Variants in COPB2 observed in about 807,000 individuals in gnomAD.
COPB2 encodes the protein coat protein complex I subunit beta 2.
In COPB2, 16 loss-of-function variants were observed where a neutral mutation model predicts 120.8. That is an observed-to-expected ratio of 0.13 (90% CI 0.09 to 0.20). The LOEUF is 0.20. COPB2 is among the 10% of genes least tolerant of loss of function. COPB2 has a pLI of 1.00. For missense variants in COPB2, 794 were observed against 1,076.5 expected (o/e 0.74, Z 3.67); for synonymous variants, 332 against 366.3 (o/e 0.91, Z 1.07).
intron 14 of COPB2, 55 bp from the exon 15 acceptor site, chr3:139,366,830 C>T (rs1560014745): frequency 6.4e-7 from 1 of 1,561,760 alleles, no homozygotes; most frequent in East Asian, 2.3e-5. Context: ...TACACAAACA[C>T]ACACCCCGCC....
In COPB2 at chr3:139,373,490, C is replaced by T. The variant is rs941582416; in HGVS notation, c.895-78G>A. ...AAAACAAAACAGATTATTTTTTTCA[C>T]CTAACAGAGAGCTCCATTTCCTTTC... On this transcript the variant is annotated intron_variant, in intron 8 of 21. Transcript: ENST00000333188. 21 of 1,541,810 alleles carry T rather than the reference C, an allele frequency of 1.4e-5. No homozygotes were observed. The East Asian group carries it at 4.8e-4, about 35-fold the overall frequency.
At position 139,358,841 on chromosome 3, in the gene COPB2, G is replaced by A. The variant is rs767334484; in HGVS notation, c.2485-29C>T. On this transcript the variant is annotated intron_variant, in intron 19 of 21. Transcript: ENST00000333188. ...TCAGAGAATAAAGCAATGATGAAAT[G>A]AGATATTCTGAAATCATAATTTACC... is the stretch of plus-strand genomic sequence containing the variant. The A allele has an allele frequency of 2.6e-6, 4 of 1,565,504 alleles. No individual in the cohort carries two copies. The East Asian group carries it at 8.9e-5, about 35-fold the overall frequency.
chr3:139,387,103 C>T (rs1941939186), intron 1 of COPB2, among the ~76,000 whole-genome samples: 1 of 151,596 alleles, frequency 6.6e-6, no homozygotes, highest in Admixed American at 6.6e-5. Context: ...CCCAGCTACT[C>T]GGCAGGCTGA....
intron 20 of COPB2, 86 bp downstream of exon 20, chr3:139,358,658 G>C: frequency 1.1e-6 from 1 of 939,092 alleles, no homozygotes; most frequent in South Asian, 1.3e-5. Flanking sequence ...TCCAGCCAGG[G>C]CAATGGAGCG....
chr3:139,388,849 G>A (rs2107813820), intron 1 of COPB2, among the ~76,000 whole-genome samples: 1 of 149,474 alleles, frequency 6.7e-6, no homozygotes, highest in East Asian at 2.0e-4. Flanking sequence ...TTATACTATC[G>A]TTTTCTTTCC....
chr3:139,378,832 C>G (rs1175728131), intron 4 of COPB2, among the ~76,000 whole-genome samples: 1 of 152,232 alleles, frequency 6.6e-6, no homozygotes, highest in Admixed American at 6.5e-5. Flanking sequence ...CTGACAGGAA[C>G]TGGAGCAATC....
intron 13 of COPB2, 58 bp from the exon 14 acceptor site, chr3:139,367,203 A>G: frequency 6.3e-7 from 1 of 1,582,434 alleles, no homozygotes; most frequent in Non-Finnish European, 8.6e-7. Flanking sequence ...CTCTCAATAA[A>G]AAGCTGAATA....
chr3:139,370,876 T>A (rs1035826195), intron 10 of COPB2, among the ~76,000 whole-genome samples: 1 of 152,252 alleles, frequency 6.6e-6, no homozygotes, highest in African/African-American at 2.4e-5. Context: ...TGTATGTATA[T>A]GTGTATTTAG....
intron 2 of COPB2, 155 bp downstream of exon 2, chr3:139,383,143 A>C: frequency 1.2e-6 from 1 of 831,486 alleles, no homozygotes; most frequent in Non-Finnish European, 2.0e-6. Context: ...TCCCCTCATA[A>C]ATGTTAGTTC....
At chr3:139,358,460 T>C in intron 20 of COPB2, 189 bp from the exon 21 acceptor site, 1 of 617,524 alleles carries the variant, frequency 1.6e-6, no homozygotes, top group Non-Finnish European at 2.9e-6. Context: ...AGGTGGATCA[T>C]GAGGTCAGGA....
At chr3:139,372,778 CAG>C (rs1941643434) in intron 9 of COPB2, among the ~76,000 whole-genome samples, 1 of 152,060 alleles carries the variant, frequency 6.6e-6, no homozygotes, top group Non-Finnish European at 1.5e-5. Context: ...AAATAAGAAA[CAG>C]AATTATTATC....
chr3:139,365,151 TAA>T (rs1366506026), intron 15 of COPB2, among the ~76,000 whole-genome samples: 1 of 152,130 alleles, frequency 6.6e-6, no homozygotes, highest in Non-Finnish European at 1.5e-5. Flanking sequence ...ATGTAGGACA[TAA>T]GTTTCCCATT....
At chr3:139,379,660 C>G (rs2107808017) in intron 2 of COPB2, 194 bp from the exon 3 acceptor site, 1 of 536,684 alleles carries the variant, frequency 1.9e-6, no homozygotes. Flanking sequence ...AATTAAAACA[C>G]TTTTTAAAAG....
chr3:139,386,575 A>T (rs1941928526), intron 1 of COPB2, among the ~76,000 whole-genome samples: 1 of 152,124 alleles, frequency 6.6e-6, no homozygotes, highest in African/African-American at 2.4e-5. Context: ...CCCAAAATCA[A>T]GGCTTTTTAC....
chr3:139,380,025 T>A (rs1270477708), intron 2 of COPB2: 1 of 111,976 alleles, frequency 8.9e-6, no homozygotes, highest in Non-Finnish European at 2.1e-5. Flanking sequence ...TTTTTTTTTT[T>A]TGAGACAGTC....
chr3:139,375,736 T>A, intron 5 of COPB2, 122 bp from the exon 6 acceptor site: 2 of 1,194,362 alleles, frequency 1.7e-6, no homozygotes, highest in Non-Finnish European at 2.2e-6. Flanking sequence ...CTATCAAATT[T>A]TATTTTTTAT....
intron 17 of COPB2, 54 bp from the exon 18 acceptor site, chr3:139,359,416 G>C: frequency 1.3e-6 from 2 of 1,510,218 alleles, no homozygotes; most frequent in East Asian, 2.3e-5. Flanking sequence ...TATAATAATG[G>C]GTACTTAACA....
intron 17 of COPB2, among the ~76,000 whole-genome samples, chr3:139,360,517 C>CAAAA (rs11439096): frequency 1.1e-5 from 1 of 88,376 alleles, no homozygotes. Flanking sequence ...GATTCCATCT[C>CAAAA]AAAAAAAAAA....
chr3:139,384,250 T>C (rs779632189), intron 1 of COPB2, among the ~76,000 whole-genome samples: 3 of 152,230 alleles, frequency 2.0e-5, no homozygotes, highest in Non-Finnish European at 2.9e-5. Flanking sequence ...CCATTAAGCA[T>C]TGGTCGTTTG....
Sources: gnomAD v4.1 joint callset for allele counts (sites outside exome capture counted in the v4.1 genomes callset) on GRCh38, gnomAD v4.1.1 for gene constraint, MANE v1.5 for transcripts, NCBI Gene and HGNC (gene_info 2026-07-23, HGNC 2026-07-21) for gene names.